Variants in TSC22D2 observed in about 807,000 individuals in gnomAD.
TSC22D2 encodes TSC22 domain family member 2.
Under a neutral mutation model 50.1 loss-of-function variants are expected in TSC22D2, and 5 were observed. The observed-to-expected ratio is 0.10, with a 90% confidence interval of 0.05 to 0.21. The LOEUF (loss-of-function observed/expected upper bound fraction) is 0.21, where lower values mean the gene tolerates loss of function less well. Ranked by LOEUF, TSC22D2 falls within the 10% of genes least tolerant of loss-of-function variation. The pLI is 1.00. For synonymous variants in TSC22D2, 501 were observed against 450.1 expected (o/e 1.11, Z -1.43); for missense variants, 1,003 against 1,015.5 (o/e 0.99, Z 0.17).
chr3:150,459,901 C>T lies in TSC22D2; in HGVS notation c.*1265C>T, dbSNP rs1023435698. The stretch of plus-strand genomic sequence containing the variant: ...TGTTTTGAATTTCGTATGCAGAAAA[C>T]GTTTTGTTACATTGCAGATTTTAAT... On this transcript the variant is annotated 3_prime_UTR_variant, in exon 3 of 3. Coordinates refer to ENST00000688009, the MANE Select transcript of TSC22D2 (RefSeq NM_001303264.2). The T allele has an allele frequency of 4.7e-5, 7 of 149,270 alleles. No individual in the cohort carries two copies. The highest frequency in any genetic ancestry group is 1.2e-4 in the African/African-American group (5 of 40,636). 9.2% of individuals were successfully genotyped at this position (149,270 alleles called of 1,614,324 possible).
Position 150,410,005 on chromosome 3 carries a change from G to A in TSC22D2, c.655G>A (p.Gly219Ser). The A allele has an allele frequency of 6.2e-7, 1 of 1,613,658 alleles. No individual in the cohort carries two copies. Among genetic ancestry groups the A allele is most frequent in the Non-Finnish European group, 8.5e-7 (1 of 1,180,024 alleles). The stretch of plus-strand genomic sequence containing the variant: ...GACTGCGGAGCGGGACAGCGGCCTG[G>A]GCGCCACCGGAGGGTCGGTGGTGGT... The part of the protein sequence containing the change: ...DQTAERDSGL[G>S]ATGGSVVVVV... Residue 219 changes from glycine to serine, a missense_variant, in exon 1 of 3, where the codon GGC becomes AGC. Physicochemically the swap from Gly to Ser is moderately conservative, Grantham distance 56 (BLOSUM62 0). Around this residue, in one of 6 missense-constraint regions of TSC22D2, gnomAD observed 696 missense variants for 647.8 expected, o/e 1.07. Transcript: ENST00000688009.
At position 150,459,912 on chromosome 3, in the gene TSC22D2, A is replaced by G. The variant is rs1721337701; in HGVS notation, c.*1276A>G. ...TCGTATGCAGAAAACGTTTTGTTAC[A>G]TTGCAGATTTTAATGTATTTAATAA... On this transcript the variant is annotated 3_prime_UTR_variant, in exon 3 of 3. Coordinates refer to ENST00000688009, the MANE Select transcript of TSC22D2 (RefSeq NM_001303264.2). The G allele has an allele frequency of 6.6e-6, 1 of 151,872 alleles. No homozygotes were observed. The highest frequency in any genetic ancestry group is 6.6e-5 in the Admixed American group (1 of 15,234). The allele number at this position is 151,872 out of a possible 1,614,324, so 9.4% of individuals were successfully genotyped here.
At position 150,410,991 on chromosome 3, in the gene TSC22D2, C is replaced by T; in HGVS notation, c.1641C>T (p.Val547=). The T allele has an allele frequency of 6.2e-7, 1 of 1,614,212 alleles. No individual in the cohort carries two copies. The highest frequency in any genetic ancestry group is 8.5e-7 in the Non-Finnish European group (1 of 1,180,038). ...AACAGCTGAGCAGCCATACGCCAGTCAGCAGGAGCAGCAGCATAATCCAGC... is the reference window on the plus strand; with the variant it reads ...AACAGCTGAGCAGCCATACGCCAGTTAGCAGGAGCAGCAGCATAATCCAGC... ...QSQQLSSHTP[V]SRSSSIIQHV... The change falls in exon 1 of 3, where the codon GTC becomes GTT. Residue 547 remains valine (V), a synonymous_variant. Transcript: ENST00000688009.
intron 1 of TSC22D2, among the ~76,000 whole-genome samples, chr3:150,413,919 A>G (rs1028001126): frequency 3.3e-5 from 5 of 152,014 alleles, no homozygotes; most frequent in Non-Finnish European, 7.4e-5. Context: ...TAAACAGTCT[A>G]TTTCTTTGAG....
intron 1 of TSC22D2, among the ~76,000 whole-genome samples, chr3:150,451,223 ATTTAT>A (rs1185316540): frequency 2.0e-5 from 3 of 152,164 alleles, no homozygotes; most frequent in African/African-American, 7.2e-5. Flanking sequence ...AAAGCAAGGC[ATTTAT>A]TTTATTTATT....
Position 150,410,006 on chromosome 3 carries a change from G to A in TSC22D2, c.656G>A (p.Gly219Asp). The change falls in exon 1 of 3, where the codon GGC (glycine) becomes GAC (aspartate). Residue 219 changes from glycine (G) to aspartate (D), a missense_variant. By Grantham distance (94) the Gly-to-Asp change is moderately conservative. Around this residue, in one of 6 missense-constraint regions of TSC22D2, gnomAD observed 696 missense variants for 647.8 expected, o/e 1.07. Coordinates refer to ENST00000688009, the MANE Select transcript of TSC22D2 (RefSeq NM_001303264.2). Reference sequence around the variant, plus strand: ...ACTGCGGAGCGGGACAGCGGCCTGGGCGCCACCGGAGGGTCGGTGGTGGTA... The same window carrying A: ...ACTGCGGAGCGGGACAGCGGCCTGGACGCCACCGGAGGGTCGGTGGTGGTA... The part of the protein sequence containing the change: ...DQTAERDSGL[G>D]ATGGSVVVVV... 1 of 1,613,662 alleles carries A rather than the reference G, an allele frequency of 6.2e-7. No individual in the cohort carries two copies. The highest frequency in any genetic ancestry group is 1.1e-5 in the South Asian group (1 of 91,088).
intron 1 of TSC22D2, among the ~76,000 whole-genome samples, chr3:150,455,355 C>G (rs988962123): frequency 1.3e-5 from 2 of 152,098 alleles, no homozygotes; most frequent in African/African-American, 4.8e-5. Flanking sequence ...GCATTTAAAG[C>G]CCAGCACATA....
chr3:150,421,564 G>A (rs1380492389), intron 1 of TSC22D2, among the ~76,000 whole-genome samples: 1 of 152,126 alleles, frequency 6.6e-6, no homozygotes, highest in Non-Finnish European at 1.5e-5. Flanking sequence ...GGAGAAAAGT[G>A]GAAAAAGGAT....
chr3:150,458,603 A>AC lies in TSC22D2; in HGVS notation c.2240dup (p.Pro748SerfsTer14). 1 of 1,614,088 alleles carries AC rather than the reference A, an allele frequency of 6.2e-7. No homozygotes were observed. Among genetic ancestry groups the AC allele is most frequent in the Non-Finnish European group, 8.5e-7 (1 of 1,180,010 alleles). On this transcript the variant is annotated frameshift_variant, in exon 3 of 3. Transcript: ENST00000688009. LOFTEE classifies it high-confidence loss of function. ...TAGCACAGCCTCCGCAGCCAACGCA[A>AC]CCTCCACAGCAGCCGAATGTCTCCT...
In TSC22D2 at chr3:150,461,198, G is replaced by A. The variant is rs1431879643; in HGVS notation, c.*2562G>A. ...GAAGATACTCAACTCATGGTCCATTGTTCAAAAATGCAGAATTATTGTGGT... is the reference window on the plus strand; with the variant it reads ...GAAGATACTCAACTCATGGTCCATTATTCAAAAATGCAGAATTATTGTGGT... On this transcript the variant is annotated 3_prime_UTR_variant, in exon 3 of 3. Coordinates refer to ENST00000688009, the MANE Select transcript of TSC22D2 (RefSeq NM_001303264.2). The A allele has an allele frequency of 6.6e-6, 1 of 152,102 alleles. No homozygotes were observed. Among genetic ancestry groups the A allele is most frequent in the Non-Finnish European group, 1.5e-5 (1 of 68,014 alleles). 9.4% of individuals were successfully genotyped at this position (152,102 alleles called of 1,614,324 possible).
chr3:150,457,306 CTATTTAAG>C (rs797011900), intron 2 of TSC22D2, among the ~76,000 whole-genome samples, 179 bp downstream of exon 2: 28 of 152,246 alleles, frequency 1.8e-4, no homozygotes, highest in African/African-American at 6.5e-4. Context: ...TCTAGAAATA[CTATTTAAG>C]TAGATATTTC....
At chr3:150,423,884 C>T (rs956098061) in intron 1 of TSC22D2, among the ~76,000 whole-genome samples, 6 of 152,158 alleles carry the variant, frequency 3.9e-5, no homozygotes, top group African/African-American at 1.4e-4. Context: ...AAAATTCACA[C>T]AAAGCTCGTT....
intron 1 of TSC22D2, among the ~76,000 whole-genome samples, chr3:150,436,510 T>C (rs1303324279): frequency 1.3e-5 from 2 of 152,194 alleles, no homozygotes; most frequent in Non-Finnish European, 2.9e-5. Context: ...TGTATATTTG[T>C]CCTATAAAAA....
In TSC22D2 at chr3:150,410,828, C is replaced by T; in HGVS notation, c.1478C>T (p.Ser493Leu). Residue 493 changes from serine (S) to leucine (L), a missense_variant, in exon 1 of 3, where the codon TCA (serine) becomes TTA (leucine). By Grantham distance (145) the Ser-to-Leu change is moderately radical. This residue lies in a region of TSC22D2 where 696 missense variants were observed against 647.8 expected (regional missense o/e 1.07). Transcript: ENST00000688009. ...PPQMGGSGPL[S>L]AVPGGPHAVV... ...CAGATGGGTGGCAGTGGTCCGCTGT[C>T]AGCCGTACCTGGTGGCCCTCACGCC... 1.2e-6 allele frequency: 2 copies of T among 1,613,628 alleles called. No individual in the cohort carries two copies. The highest frequency in any genetic ancestry group is 1.7e-6 in the Non-Finnish European group (2 of 1,180,008).
chr3:150,409,280 T>C lies in TSC22D2; in HGVS notation c.-71T>C. ...GGACTTTGTCTTTGGGGGCCCGTGC[T>C]CTGCCCTCCCCGGTTTCCGACAGGA... On this transcript the variant is annotated 5_prime_UTR_variant, in exon 1 of 3. Transcript: ENST00000688009. This position sits in a 1 kb window ranked among gnomAD's most constrained non-coding sequence, Gnocchi z 7.4. 6.7e-7 allele frequency: 1 copy of C among 1,502,000 alleles called. No homozygotes were observed. Among genetic ancestry groups the C allele is most frequent in the Non-Finnish European group, 8.9e-7 (1 of 1,120,186 alleles). The allele number at this position is 1,502,000 out of a possible 1,614,324, so 93.0% of individuals were successfully genotyped here. A position where few individuals can be genotyped will look rare whatever the true frequency, so the allele number is the denominator to read the frequency against.
At chr3:150,456,394 G>A (rs951400081) in intron 1 of TSC22D2, among the ~76,000 whole-genome samples, 5 of 151,752 alleles carry the variant, frequency 3.3e-5, no homozygotes, top group Non-Finnish European at 5.9e-5. Context: ...CACCACGTTG[G>A]CCAGGCTGAT....
intron 1 of TSC22D2, among the ~76,000 whole-genome samples, chr3:150,415,763 C>T (rs1024819932): frequency 3.3e-5 from 5 of 152,034 alleles, no homozygotes; most frequent in African/African-American, 9.7e-5. Flanking sequence ...CTACAGTGAG[C>T]TATATTATAA....
chr3:150,459,262 T>G lies in TSC22D2; in HGVS notation c.*626T>G, dbSNP rs1317404105. On this transcript the variant is annotated 3_prime_UTR_variant, in exon 3 of 3. Transcript: ENST00000688009. ...TTTCTAACACTAATGGCAATTTACT[T>G]ATGGTATTTATTTTCAGTAGTAAAG... 6.6e-6 allele frequency: 1 copy of G among 152,666 alleles called. No individual in the cohort carries two copies. The allele number at this position is 152,666 out of a possible 1,614,324, so 9.5% of individuals were successfully genotyped here. A position where few individuals can be genotyped will look rare whatever the true frequency, so the allele number is the denominator to read the frequency against.
chr3:150,423,094 A>G (rs1720068559), intron 1 of TSC22D2: 1 of 1,612,848 alleles, frequency 6.2e-7, no homozygotes. Flanking sequence ...TGAACACGTT[A>G]AAGGAATCAA....
Sources: gnomAD v4.1 joint callset for allele counts (sites outside exome capture counted in the v4.1 genomes callset) on GRCh38, gnomAD v4.1.1 for gene constraint, gnomAD v4.1.1 regional missense constraint, Gnocchi (gnomAD v3.1) non-coding constraint, MANE v1.5 for transcripts, NCBI Gene and HGNC (gene_info 2026-07-23, HGNC 2026-07-21) for gene names.